EYA4: variants seen among roughly 807,000 people sequenced by gnomAD.
EYA4 encodes EYA transcriptional coactivator and phosphatase 4.
EYA4 carries 31 observed loss-of-function variants against 87.9 expected under a neutral mutation model. The observed-to-expected ratio is 0.35, with a 90% confidence interval of 0.27 to 0.48. The LOEUF (loss-of-function observed/expected upper bound fraction) is 0.48. Ranked by LOEUF, EYA4 falls within the 20% of genes least tolerant of loss-of-function variation. The probability of loss-of-function intolerance (pLI) is 0.99; values close to 1 mark genes in which losing one functional copy is unlikely to be tolerated. For missense variants in EYA4, 678 were observed against 761.4 expected (o/e 0.89, Z 1.29); for synonymous variants, 263 against 270.6 (o/e 0.97, Z 0.28).
intron 3 of EYA4, among the ~76,000 whole-genome samples, chr6:133,421,953 T>C (rs763288230): frequency 1.4e-4 from 21 of 152,190 alleles, no homozygotes; most frequent in African/African-American, 3.4e-4. Flanking sequence ...ACAAAACTCT[T>C]TTTTGTTTTT....
chr6:133,401,554 A>G (rs149994596), intron 3 of EYA4, among the ~76,000 whole-genome samples: 2 of 152,326 alleles, frequency 1.3e-5, no homozygotes, highest in East Asian at 1.9e-4. Flanking sequence ...ATAACATCAT[A>G]TAACAACTAT....
chr6:133,495,641 A>G (rs560229231), intron 13 of EYA4, among the ~76,000 whole-genome samples: 1 of 152,168 alleles, frequency 6.6e-6, no homozygotes, highest in South Asian at 2.1e-4. Context: ...ATAAGAGTGG[A>G]CACAAGTTGA....
chr6:133,288,548 C>T (rs572557819), intron 2 of EYA4, among the ~76,000 whole-genome samples: 1 of 152,066 alleles, frequency 6.6e-6, no homozygotes, highest in South Asian at 2.1e-4. Flanking sequence ...CTTTTGAGAA[C>T]ATGTTAAACT....
chr6:133,383,517 CAAAAAAAAAAA>C (rs768724484), intron 3 of EYA4, among the ~76,000 whole-genome samples: 857 of 45,242 alleles, frequency 0.019, 16 homozygotes, highest in African/African-American at 0.072. Flanking sequence ...GACTCCATCT[CAAAAAAAAAAA>C]AAAAAAAAAA....
intron 1 of EYA4, among the ~76,000 whole-genome samples, chr6:133,260,263 A>G (rs1775690971): frequency 6.6e-6 from 1 of 150,964 alleles, no homozygotes; most frequent in South Asian, 2.1e-4. Flanking sequence ...TTTGAGATGG[A>G]GTTGTGCTCT....
chr6:133,476,861 C>G (rs1380000050), intron 11 of EYA4, among the ~76,000 whole-genome samples: 1 of 151,998 alleles, frequency 6.6e-6, no homozygotes, highest in Non-Finnish European at 1.5e-5. Flanking sequence ...GTGTCCCCAT[C>G]CAAAATCTCA....
chr6:133,529,265 G>A lies in EYA4; in HGVS notation c.*460G>A, dbSNP rs1238832186. The A allele has an allele frequency of 5.0e-6, 5 of 1,007,380 alleles. No homozygotes were observed. Among genetic ancestry groups the A allele is most frequent in the Non-Finnish European group, 5.9e-6 (5 of 842,060 alleles). The allele number at this position is 1,007,380 out of a possible 1,614,324, so 62.4% of individuals were successfully genotyped here. The stretch of plus-strand genomic sequence containing the variant: ...AATGCACTCAGACTGTATAAGGACA[G>A]TCCTATTTAGACATGTAATTTGTGT... On this transcript the variant is annotated 3_prime_UTR_variant, in exon 20 of 20. Coordinates refer to ENST00000355286, the MANE Select transcript of EYA4 (RefSeq NM_004100.5).
intron 11 of EYA4, among the ~76,000 whole-genome samples, chr6:133,475,388 T>C (rs1400310415): frequency 1.3e-5 from 2 of 152,120 alleles, no homozygotes; most frequent in Non-Finnish European, 2.9e-5. Flanking sequence ...CAGTTAGTCT[T>C]GTATAACAAT....
chr6:133,335,725 G>A (rs1011737662), intron 2 of EYA4, among the ~76,000 whole-genome samples: 9 of 152,168 alleles, frequency 5.9e-5, no homozygotes, highest in African/African-American at 2.2e-4. Context: ...GGAGCATGGT[G>A]CATTGTGAAT....
intron 3 of EYA4, among the ~76,000 whole-genome samples, chr6:133,439,728 T>C (rs971638830): frequency 1.3e-5 from 2 of 152,208 alleles, no homozygotes; most frequent in Admixed American, 1.3e-4. Context: ...TGACCACCCA[T>C]GTGGCTGACC....
At position 133,446,737 on chromosome 6, in the gene EYA4, C is replaced by G; in HGVS notation, c.191C>G (p.Thr64Ser). The stretch of plus-strand genomic sequence containing the variant: ...TCTAATCTCAGCAGCACATCAGTTA[C>G]TACAAATGGGACAGGAGGTAAGTGT... The part of the protein sequence containing the change: ...EKSNLSSTSV[T>S]TNGTGGENMT... Residue 64 changes from threonine to serine, a missense_variant, in exon 4 of 20, where the codon ACT becomes AGT. Physicochemically the swap from Thr to Ser is moderately conservative, Grantham distance 58. Transcript: ENST00000355286. 5 of 1,613,960 alleles carry G rather than the reference C, an allele frequency of 3.1e-6. No homozygotes were observed. Among genetic ancestry groups the G allele is most frequent in the Non-Finnish European group, 4.2e-6 (5 of 1,179,924 alleles).
At position 133,530,302 on chromosome 6, in the gene EYA4, T is replaced by A; in HGVS notation, c.*1497T>A. On this transcript the variant is annotated 3_prime_UTR_variant, in exon 20 of 20. Coordinates refer to ENST00000355286, the MANE Select transcript of EYA4 (RefSeq NM_004100.5). ...GTCACTGCGCAACGGATGGCATTCATTACAAGAAGAGCCCATCATCGTTGT... is the reference window on the plus strand; with the variant it reads ...GTCACTGCGCAACGGATGGCATTCAATACAAGAAGAGCCCATCATCGTTGT... 1 of 985,456 alleles carries A rather than the reference T, an allele frequency of 1.0e-6. No homozygotes were observed. The highest frequency in any genetic ancestry group is 1.2e-6 in the Non-Finnish European group (1 of 829,940). 61.0% of individuals were successfully genotyped at this position (985,456 alleles called of 1,614,324 possible).
intron 2 of EYA4, among the ~76,000 whole-genome samples, chr6:133,329,828 A>G (rs950897975): frequency 3.3e-5 from 5 of 152,122 alleles, no homozygotes; most frequent in African/African-American, 7.2e-5. Context: ...ATAAGAACTA[A>G]TAAGAATTAT....
At position 133,463,569 on chromosome 6, in the gene EYA4, C is replaced by G. The variant is rs563277593; in HGVS notation, c.724+805C>G. ...AGTGACGGGGTTTCACCATGTTGATCAGGCTGGTCTCAAACTCCTGATCTC... is the reference window on the plus strand; with the variant it reads ...AGTGACGGGGTTTCACCATGTTGATGAGGCTGGTCTCAAACTCCTGATCTC... On this transcript the variant is annotated intron_variant, in intron 9 of 19. Transcript: ENST00000355286. Among the ~76,000 whole-genome samples, 5 of 152,168 alleles carry G rather than the reference C, an allele frequency of 3.3e-5. No individual in the cohort carries two copies. In the East Asian group the frequency reaches 9.7e-4, roughly 29 times the overall value.
At chr6:133,363,478 CTTT>C (rs71003637) in intron 2 of EYA4, 81 of 137,130 alleles carry the variant, frequency 5.9e-4, no homozygotes, top group Non-Finnish European at 7.1e-4. Context: ...CCTTGTAACT[CTTT>C]TTTTTTTTTT....
intron 13 of EYA4, among the ~76,000 whole-genome samples, chr6:133,492,346 G>T (rs1467558715): frequency 6.6e-6 from 1 of 151,118 alleles, no homozygotes; most frequent in East Asian, 1.9e-4. Context: ...CCAACAGAAT[G>T]AAACACATAA....
intron 3 of EYA4, among the ~76,000 whole-genome samples, chr6:133,389,076 A>G (rs159415): frequency 0.58 from 88,241 of 151,802 alleles, 28,538 homozygotes; most frequent in South Asian, 0.77. Flanking sequence ...TTGCTTACCT[A>G]CATCATTTCA....
chr6:133,383,824 A>G (rs1251931568), intron 3 of EYA4, among the ~76,000 whole-genome samples: 1 of 152,182 alleles, frequency 6.6e-6, no homozygotes, highest in African/African-American at 2.4e-5. Context: ...TAGGAAATGG[A>G]TGAACCACTA....
chr6:133,242,204 C>T (rs2128218002), intron 1 of EYA4, among the ~76,000 whole-genome samples: 1 of 152,320 alleles, frequency 6.6e-6, no homozygotes, highest in African/African-American at 2.4e-5. Flanking sequence ...ATGGTCCAGG[C>T]GCGAGGATGC....
Sources: allele counts gnomAD v4.1 joint callset (sites outside exome capture counted in the v4.1 genomes callset), GRCh38; gene constraint gnomAD v4.1.1; transcripts MANE v1.5; gene names NCBI Gene and HGNC (gene_info 2026-07-23, HGNC 2026-07-21).